EYA4: variants seen among roughly 807,000 people sequenced by gnomAD.
EYA4 encodes protein phosphatase EYA4.
Under a neutral mutation model 87.9 loss-of-function variants are expected in EYA4, and 31 were observed. The observed-to-expected ratio is 0.35, with a 90% CI of 0.27 to 0.48. The LOEUF is 0.48. EYA4 is among the 20% of genes least tolerant of loss of function. The probability of loss-of-function intolerance (pLI) is 0.99; values close to 1 mark genes in which losing one functional copy is unlikely to be tolerated. For missense variants in EYA4, 678 were observed against 761.4 expected (o/e 0.89, Z 1.29); for synonymous variants, 263 against 270.6 (o/e 0.97, Z 0.28).
At chr6:133,431,254 A>G (rs79056601) in intron 3 of EYA4, among the ~76,000 whole-genome samples, 102 of 152,282 alleles carry the variant, frequency 6.7e-4, no homozygotes, top group African/African-American at 2.5e-3. Context: ...ACTCTAAGAG[A>G]CATGAGAAGG....
At chr6:133,280,412 T>G (rs980222971) in intron 2 of EYA4, among the ~76,000 whole-genome samples, 1 of 151,714 alleles carries the variant, frequency 6.6e-6, no homozygotes, top group African/African-American at 2.4e-5. Flanking sequence ...TTCTTTTTTC[T>G]TTTTTTTTGT....
At chr6:133,476,169 A>G (rs2128694318) in intron 11 of EYA4, among the ~76,000 whole-genome samples, 1 of 152,168 alleles carries the variant, frequency 6.6e-6, no homozygotes, top group East Asian at 1.9e-4. Context: ...TGTATAACCC[A>G]TTGTTTTGAA....
chr6:133,376,037 C>G (rs1157663382), intron 2 of EYA4, among the ~76,000 whole-genome samples: 1 of 151,758 alleles, frequency 6.6e-6, no homozygotes, highest in Non-Finnish European at 1.5e-5. Flanking sequence ...AGATTCACAT[C>G]TTAGAGTATT....
rs1017697829 is a variant in EYA4, at chr6:133,446,671, T to C, written c.125T>C (p.Val42Ala). The C allele has an allele frequency of 1.2e-6, 2 of 1,614,002 alleles. No individual in the cohort carries two copies. The highest frequency in any genetic ancestry group is 1.7e-6 in the Non-Finnish European group (2 of 1,179,898). ...MQDLASPHTL[V>A]GGGDTPGSSK... ...GACCTAGCAAGTCCTCATACTCTTG[T>C]TGGAGGTGGTGATACTCCAGGTAGC... The change falls in exon 4 of 20, where the codon GTT becomes GCT. Residue 42 changes from valine to alanine, a missense_variant. Transcript: ENST00000355286.
chr6:133,276,638 A>G (rs1777187050), intron 2 of EYA4, among the ~76,000 whole-genome samples: 2 of 152,150 alleles, frequency 1.3e-5, no homozygotes, highest in Admixed American at 1.3e-4. Context: ...AGAACAAGAA[A>G]TCTAGGGAGA....
rs575098433 is a variant in EYA4, at chr6:133,374,612, A to G, written c.34-7780A>G. Among the ~76,000 whole-genome samples the G allele has an allele frequency of 1.6e-3, 239 of 152,172 alleles. 1 individual carries two copies. Among genetic ancestry groups the G allele is most frequent in the Middle Eastern group, 0.014 (4 of 294 alleles). ...GTTTTCTTTGAATGGAAGTAGATGC[A>G]GACTTCCAGGTATGCAGTAGAGTCC... On this transcript the variant is annotated intron_variant, in intron 2 of 19. Transcript: ENST00000355286.
Position 133,272,725 on chromosome 6 carries a change from C to A in EYA4, c.-65-1991C>A, listed in dbSNP as rs1349294148. On this transcript the variant is annotated intron_variant, in intron 1 of 19. Transcript: ENST00000355286. ...ACTGGCACCTCAAGCACCATTGGAT[C>A]TGCTGGATCATATGGCCCAAGTGGC... is the stretch of plus-strand genomic sequence containing the variant. Among the ~76,000 whole-genome samples, 3 of 152,298 alleles carry A rather than the reference C, an allele frequency of 2.0e-5. No individual in the cohort carries two copies. The East Asian group carries it at 5.8e-4, about 29-fold the overall frequency.
At chr6:133,467,845 A>C (rs909029184) in intron 10 of EYA4, among the ~76,000 whole-genome samples, 8 of 151,942 alleles carry the variant, frequency 5.3e-5, no homozygotes, top group African/African-American at 1.9e-4. Context: ...ACTGTGTAAA[A>C]GGATTTTGAA....
chr6:133,312,190 G>A (rs553655872), intron 2 of EYA4, among the ~76,000 whole-genome samples: 32 of 152,234 alleles, frequency 2.1e-4, no homozygotes, highest in African/African-American at 7.0e-4. Flanking sequence ...AGCAGACTGT[G>A]GCTAGAAGGC....
At chr6:133,500,906 G>A (rs561462891) in intron 13 of EYA4, among the ~76,000 whole-genome samples, 1 of 152,276 alleles carries the variant, frequency 6.6e-6, no homozygotes, top group South Asian at 2.1e-4. Flanking sequence ...TGCCAAGTCT[G>A]AGGAGCCACC....
At chr6:133,268,101 C>T (rs941614609) in intron 1 of EYA4, among the ~76,000 whole-genome samples, 8 of 152,032 alleles carry the variant, frequency 5.3e-5, no homozygotes, top group East Asian at 1.9e-4. Flanking sequence ...TGAAAGTGAA[C>T]GCTTTTCCAT....
chr6:133,308,392 A>C (rs1389704074), intron 2 of EYA4, among the ~76,000 whole-genome samples: 1 of 152,216 alleles, frequency 6.6e-6, no homozygotes, highest in Non-Finnish European at 1.5e-5. Context: ...ATTAAAAAAA[A>C]CTTCAACTTT....
At chr6:133,295,491 A>G (rs1397024650) in intron 2 of EYA4, among the ~76,000 whole-genome samples, 2 of 152,230 alleles carry the variant, frequency 1.3e-5, no homozygotes, top group African/African-American at 4.8e-5. Flanking sequence ...ATAAAATGAT[A>G]ATGAAACCTA....
chr6:133,494,258 G>C (rs778483877), intron 13 of EYA4, among the ~76,000 whole-genome samples: 1 of 152,162 alleles, frequency 6.6e-6, no homozygotes, highest in Non-Finnish European at 1.5e-5. Context: ...ATGAGATCCT[G>C]TCATTTTTAG....
At chr6:133,265,382 G>A (rs1776135867) in intron 1 of EYA4, among the ~76,000 whole-genome samples, 1 of 151,964 alleles carries the variant, frequency 6.6e-6, no homozygotes, top group South Asian at 2.1e-4. Flanking sequence ...TTGAGATAGA[G>A]CGGGAACTAG....
intron 2 of EYA4, among the ~76,000 whole-genome samples, chr6:133,284,332 A>T (rs578151769): frequency 6.6e-6 from 1 of 152,090 alleles, no homozygotes; most frequent in Non-Finnish European, 1.5e-5. Flanking sequence ...CACTACCACA[A>T]CAGGATAATT....
intron 2 of EYA4, among the ~76,000 whole-genome samples, chr6:133,365,555 A>C (rs941172043): frequency 3.3e-4 from 50 of 151,970 alleles, no homozygotes; most frequent in African/African-American, 1.2e-3. Context: ...ATTTCCCACG[A>C]TGGGGCGCAT....
At chr6:133,261,413 C>G (rs2128242766) in intron 1 of EYA4, among the ~76,000 whole-genome samples, 2 of 152,290 alleles carry the variant, frequency 1.3e-5, no homozygotes, top group Middle Eastern at 6.8e-3. Flanking sequence ...AATGCTGATG[C>G]TTTCCTATTC....
intron 3 of EYA4, among the ~76,000 whole-genome samples, chr6:133,404,978 G>C (rs1418055418): frequency 6.6e-6 from 1 of 152,112 alleles, no homozygotes; most frequent in Non-Finnish European, 1.5e-5. Flanking sequence ...GCTGCCTTCA[G>C]ACATGCTATT....
Sources: allele counts gnomAD v4.1 joint callset (sites outside exome capture counted in the v4.1 genomes callset), GRCh38; gene constraint gnomAD v4.1.1; transcripts MANE v1.5; gene names NCBI Gene and HGNC (gene_info 2026-07-23, HGNC 2026-07-21).